The following PLET1 variants were observed in gnomAD, a reference collection of about 807,000 sequenced individuals.
PLET1 encodes the protein placenta-expressed transcript 1 protein.
Under a neutral mutation model 18.5 loss-of-function variants are expected in PLET1, and 20 were observed. That is an observed-to-expected ratio of 1.08 (90% CI 0.76 to 1.57). PLET1 has a LOEUF of 1.57. PLET1 is among the 40% of genes most tolerant of loss of function. The pLI is 0.00. For synonymous variants in PLET1, 93 were observed against 93.8 expected, an observed-to-expected ratio of 0.99 and a Z score of 0.05; for missense variants, 256 against 246.4, an observed-to-expected ratio of 1.04 and a Z score of -0.26.
chr11:112,259,485 A>G (rs1398101648), intron 1 of PLET1, among the ~76,000 whole-genome samples: 1 of 152,214 alleles, frequency 6.6e-6, no homozygotes, highest in Admixed American at 6.5e-5. Flanking sequence ...GGGCTATATA[A>G]AAAATATCTA....
intron 2 of PLET1, among the ~76,000 whole-genome samples, chr11:112,254,573 GGTAT>G (rs973526129): frequency 1.7e-5 from 2 of 119,118 alleles, no homozygotes; most frequent in Non-Finnish European, 3.5e-5. Context: ...ATGTGCGTGT[GGTAT>G]GTATGTGTGG....
chr11:112,250,042 C>T (rs186062789), intron 3 of PLET1, among the ~76,000 whole-genome samples: 24 of 150,856 alleles, frequency 1.6e-4, no homozygotes, highest in African/African-American at 4.6e-4. Context: ...GTCTTCTTCC[C>T]GCCTGGAGGG....
Position 112,248,974 on chromosome 11 carries a change from A to G in PLET1, c.449T>C (p.Leu150Pro). 6.5e-7 allele frequency: 1 copy of G among 1,550,104 alleles called. No homozygotes were observed. Residue 150 changes from leucine to proline, a missense_variant and splice_region_variant, in exon 4 of 4, where the codon CTG becomes CCG. Leu to Pro is a moderately conservative substitution (Grantham distance 98, BLOSUM62 -3). Transcript: ENST00000338832. ...CTTGGCAGCTAAGGCTAAGGTTGAC[A>G]CTGGAAAGGTGGTTGAGGGTGCGGT... ...ILSTLKLREK[L>P]STLALAAKIP...
At chr11:112,251,135 A>G (rs1189287860) in intron 3 of PLET1, among the ~76,000 whole-genome samples, 3 of 152,302 alleles carry the variant, frequency 2.0e-5, no homozygotes, top group South Asian at 2.1e-4. Context: ...TTCAAAAACA[A>G]TGTATTTTTA....
Position 112,254,378 on chromosome 11 carries a change from G to A in PLET1, c.386+1010C>T, listed in dbSNP as rs371997107. On this transcript the variant is annotated intron_variant, in intron 2 of 3. Coordinates refer to ENST00000338832, the MANE Select transcript of PLET1 (RefSeq NM_001145024.1). Reference sequence around the variant, plus strand: ...TATTTGTATGGTGTGTGTGGTGTATGTGTGGGGTGTGTGTGTGGTACCTCT... The same window carrying A: ...TATTTGTATGGTGTGTGTGGTGTATATGTGGGGTGTGTGTGTGGTACCTCT... Among the ~76,000 whole-genome samples the A allele has an allele frequency of 7.7e-4, 114 of 148,344 alleles. No individual in the cohort carries two copies. In the South Asian group the frequency reaches 9.1e-3, roughly 12 times the overall value.
chr11:112,259,627 T>C (rs1170020124), intron 1 of PLET1, among the ~76,000 whole-genome samples: 1 of 152,220 alleles, frequency 6.6e-6, no homozygotes, highest in Admixed American at 6.5e-5. Context: ...TTTTCATACA[T>C]AAAGTGGGTT....
At chr11:112,255,347 GA>G in intron 2 of PLET1, 40 bp downstream of exon 2, 2 of 1,532,656 alleles carry the variant, frequency 1.3e-6, no homozygotes, top group Non-Finnish European at 1.8e-6. Flanking sequence ...AACCCAATAT[GA>G]AAATTTTAAA....
chr11:112,260,503 C>T lies in PLET1; in HGVS notation c.87G>A (p.Arg29=). ...CAAAGGTGAAGCAGGTGCTACTGTA[C>T]CTTATAAAGGTGGCAGAAGAAAGCT... ...SLQLSSATFI[R]YSSTCFTFDE... Residue 29 remains arginine, a synonymous_variant, in exon 1 of 4, where the codon AGG becomes AGA. Transcript: ENST00000338832. The T allele has an allele frequency of 1.3e-6, 2 of 1,551,628 alleles. No homozygotes were observed. The highest frequency in any genetic ancestry group is 1.7e-6 in the Non-Finnish European group (2 of 1,146,918).
At chr11:112,251,846 T>G (rs1860159534) in intron 3 of PLET1, among the ~76,000 whole-genome samples, 3 of 152,152 alleles carry the variant, frequency 2.0e-5, no homozygotes, top group Admixed American at 2.0e-4. Context: ...AAATTCCTAG[T>G]AGAGTGGTGG....
intron 3 of PLET1, among the ~76,000 whole-genome samples, chr11:112,250,152 T>C (rs2135415874): frequency 6.6e-6 from 1 of 151,150 alleles, no homozygotes; most frequent in African/African-American, 2.4e-5. Context: ...TGCAACTACT[T>C]TCTTTTTCTT....
At chr11:112,256,732 G>A (rs539591178) in intron 1 of PLET1, among the ~76,000 whole-genome samples, 139 of 152,294 alleles carry the variant, frequency 9.1e-4, no homozygotes, top group Non-Finnish European at 1.6e-3. Flanking sequence ...TGCCATTCAC[G>A]GTTGTGTGAT....
At chr11:112,256,402 G>A (rs971669740) in intron 1 of PLET1, among the ~76,000 whole-genome samples, 1 of 152,118 alleles carries the variant, frequency 6.6e-6, no homozygotes, top group Non-Finnish European at 1.5e-5. Flanking sequence ...CAACACAAAA[G>A]GATCAGACAG....
chr11:112,252,115 A>G (rs1473884292), intron 3 of PLET1, among the ~76,000 whole-genome samples: 1 of 152,188 alleles, frequency 6.6e-6, no homozygotes, highest in Non-Finnish European at 1.5e-5. Flanking sequence ...CTGAGAATAT[A>G]AAGACCCTGG....
chr11:112,254,939 CGT>C (rs568319567), intron 2 of PLET1, among the ~76,000 whole-genome samples: 4 of 44,168 alleles, frequency 9.1e-5, no homozygotes, highest in Admixed American at 3.2e-4. Context: ...GTGCTGTGAG[CGT>C]GTGTGTGGTG....
chr11:112,256,984 T>A (rs1488050730), intron 1 of PLET1, among the ~76,000 whole-genome samples: 1 of 152,240 alleles, frequency 6.6e-6, no homozygotes, highest in Non-Finnish European at 1.5e-5. Flanking sequence ...CAGGTGGCCT[T>A]GCAACGTGCT....
Position 112,251,813 on chromosome 11 carries a change from C to T in PLET1, c.448+535G>A, listed in dbSNP as rs1005320737. 5.8e-5 allele frequency among the ~76,000 whole-genome samples: 6 copies of T among 103,210 alleles called. No individual in the cohort carries two copies. The South Asian group carries it at 2.2e-3, about 37-fold the overall frequency. 67.7% of individuals were successfully genotyped at this position (103,210 alleles called of 152,430 possible). ...CCTCAGGGAGGTGCGAAGCTGGGGG[C>T]GACAGCCTGTGAAAAGCTGTGGAAA... On this transcript the variant is annotated intron_variant, in intron 3 of 3. Coordinates refer to ENST00000338832, the MANE Select transcript of PLET1 (RefSeq NM_001145024.1).
rs1860249332 is a variant in PLET1, at chr11:112,258,484, A to T, written c.184+1922T>A. Among the ~76,000 whole-genome samples the T allele has an allele frequency of 3.3e-5, 5 of 151,998 alleles. 1 individual carries two copies. The South Asian group carries it at 1.0e-3, about 32-fold the overall frequency. ...TTTTTAGTAAAGACTACGTTTTGCC[A>T]TGTTGCTCAGTCTGGTCTCGAACTC... On this transcript the variant is annotated intron_variant, in intron 1 of 3. Coordinates refer to ENST00000338832, the MANE Select transcript of PLET1 (RefSeq NM_001145024.1).
intron 3 of PLET1, 83 bp downstream of exon 3, chr11:112,252,265 C>T: frequency 7.7e-7 from 1 of 1,291,798 alleles, no homozygotes; most frequent in Non-Finnish European, 1.1e-6. Context: ...AGAAGACCCT[C>T]TTTTCTAGGG....
At chr11:112,253,232 A>G (rs1860173318) in intron 2 of PLET1, among the ~76,000 whole-genome samples, 1 of 152,114 alleles carries the variant, frequency 6.6e-6, no homozygotes, top group Non-Finnish European at 1.5e-5. Context: ...TTATTGAGGA[A>G]TTAACCTCAG....
Sources: allele counts gnomAD v4.1 joint callset (sites outside exome capture counted in the v4.1 genomes callset), GRCh38; gene constraint gnomAD v4.1.1; transcripts MANE v1.5; gene names NCBI Gene and HGNC (gene_info 2026-07-23, HGNC 2026-07-21).